Variants in COL4A2 observed in about 807,000 individuals in gnomAD.
The protein encoded by COL4A2 is collagen type IV alpha 2 chain.
A neutral mutation model predicts 200.2 loss-of-function variants in COL4A2; 99 were observed. The ratio of observed to expected loss-of-function variants is 0.49; its 90% CI spans 0.42 to 0.58. COL4A2 has a LOEUF of 0.58. Ranked by LOEUF, COL4A2 falls within the 20% of genes least tolerant of loss-of-function variation. COL4A2 has a pLI of 0.00. For missense variants in COL4A2, 1,950 were observed against 2,314.1 expected (o/e 0.84, Z 3.23); for synonymous variants, 897 against 900.6 (o/e 1.00, Z 0.07).
intron 3 of COL4A2, among the ~76,000 whole-genome samples, chr13:110,314,293 G>A (rs8001070): frequency 0.29 from 43,726 of 152,164 alleles, 6,405 homozygotes; most frequent in Middle Eastern, 0.41. Context: ...CCAGGAGTCA[G>A]CAGCCAGTCA....
rs973591882 is a variant in COL4A2 at position 110,446,057 on chromosome 13, G to A, written c.1011+175G>A. ...AGGTGGATGGTGACCTACGAGCCAC[G>A]TGTGCTCCCTGCCAGGGAGAAGGGT... On this transcript the variant is annotated intron_variant, in intron 17 of 47. Coordinates refer to ENST00000360467, the MANE Select transcript of COL4A2 (RefSeq NM_001846.4). 3.3e-5 allele frequency among the ~76,000 whole-genome samples: 5 copies of A among 152,206 alleles called. No individual in the cohort carries two copies. The East Asian group carries it at 5.8e-4, about 18-fold the overall frequency.
At position 110,508,383 on chromosome 13, in the gene COL4A2, C is replaced by G; in HGVS notation, c.4881+162C>G. Reference sequence around the variant, plus strand: ...AGCGAGAGCTGGAACACAGCTTACACTTGGCTAACTGAGCCACATGCTGGG... The same window carrying G: ...AGCGAGAGCTGGAACACAGCTTACAGTTGGCTAACTGAGCCACATGCTGGG... On this transcript the variant is annotated intron_variant, in intron 47 of 47. Coordinates refer to ENST00000360467, the MANE Select transcript of COL4A2 (RefSeq NM_001846.4). The surrounding 1 kb of genome is among the most constrained non-coding windows in gnomAD (Gnocchi z 6.1). 1.7e-6 allele frequency: 2 copies of G among 1,151,746 alleles called. No homozygotes were observed. The highest frequency in any genetic ancestry group is 1.5e-5 in the South Asian group (1 of 65,648). The allele number at this position is 1,151,746 out of a possible 1,614,324, so 71.3% of individuals were successfully genotyped here.
At position 110,513,175 on chromosome 13, in the gene COL4A2, G is replaced by A. The variant is rs1566577909; in HGVS notation, c.*984G>A. 1 of 152,062 alleles carries A rather than the reference G, an allele frequency of 6.6e-6. No homozygotes were observed. Among genetic ancestry groups the A allele is most frequent in the East Asian group, 1.9e-4 (1 of 5,190 alleles). The allele number at this position is 152,062 out of a possible 1,614,324, so 9.4% of individuals were successfully genotyped here. ...TCGTGGTATTACAGCCATTTCTCGGGGAATGTGTTTGTTTATAACTCACTA... is the reference window on the plus strand; with the variant it reads ...TCGTGGTATTACAGCCATTTCTCGGAGAATGTGTTTGTTTATAACTCACTA... On this transcript the variant is annotated 3_prime_UTR_variant, in exon 48 of 48. Transcript: ENST00000360467.
At chr13:110,474,327 GCCT>G (rs1295469104) in intron 29 of COL4A2, among the ~76,000 whole-genome samples, 3 of 152,172 alleles carry the variant, frequency 2.0e-5, no homozygotes, top group Non-Finnish European at 2.9e-5. Context: ...TGGAGGCTAG[GCCT>G]CCACTGGCAG....
chr13:110,426,751 C>T (rs116408863), intron 6 of COL4A2, among the ~76,000 whole-genome samples: 67 of 152,284 alleles, frequency 4.4e-4, no homozygotes, highest in African/African-American at 1.6e-3. Flanking sequence ...GAAAGACCAA[C>T]GGCAGACAAA....
At chr13:110,363,554 C>T (rs1193455827) in intron 4 of COL4A2, among the ~76,000 whole-genome samples, 2 of 152,114 alleles carry the variant, frequency 1.3e-5, no homozygotes, top group Non-Finnish European at 2.9e-5. Context: ...AATTCTTTGT[C>T]TTTGGCTCCT....
intron 4 of COL4A2, among the ~76,000 whole-genome samples, chr13:110,386,822 G>T (rs1288119411): frequency 2.0e-5 from 3 of 152,182 alleles, no homozygotes; most frequent in East Asian, 3.9e-4. Flanking sequence ...TCTACTGATT[G>T]TGAAAGGACG....
chr13:110,422,321 A>T (rs1594205146), intron 4 of COL4A2, among the ~76,000 whole-genome samples: 1 of 152,214 alleles, frequency 6.6e-6, no homozygotes, highest in Non-Finnish European at 1.5e-5. Flanking sequence ...CTTAACAACA[A>T]ATGTCGTGTA....
chr13:110,343,475 G>A (rs1021127828), intron 3 of COL4A2, among the ~76,000 whole-genome samples: 4 of 152,228 alleles, frequency 2.6e-5, no homozygotes, highest in Admixed American at 6.5e-5. Context: ...GCTGCCAGGC[G>A]TGATTCACTT....
chr13:110,483,846 G>A (rs1190769977), intron 32 of COL4A2, among the ~76,000 whole-genome samples: 7 of 152,202 alleles, frequency 4.6e-5, no homozygotes, highest in Non-Finnish European at 8.8e-5. Context: ...GGTGCTGCTT[G>A]CTCACAGCTC....
chr13:110,324,363 T>C (rs1662734065), intron 3 of COL4A2, among the ~76,000 whole-genome samples: 1 of 152,174 alleles, frequency 6.6e-6, no homozygotes, highest in Non-Finnish European at 1.5e-5. Context: ...CTGGACTCGC[T>C]CCTTCTTGAC....
At chr13:110,459,141 G>C (rs1037311947) in intron 22 of COL4A2, 2 of 482,394 alleles carry the variant, frequency 4.1e-6, no homozygotes, top group Non-Finnish European at 7.1e-6. Context: ...GGGCGCTGCT[G>C]TGGGAACCGC....
At chr13:110,329,739 T>A (rs964625117) in intron 3 of COL4A2, among the ~76,000 whole-genome samples, 3 of 152,176 alleles carry the variant, frequency 2.0e-5, no homozygotes, top group Admixed American at 6.5e-5. Context: ...TCCACACGGC[T>A]CTGTTTGAAG....
chr13:110,365,392 C>T (rs549636437), intron 4 of COL4A2, among the ~76,000 whole-genome samples: 22 of 152,304 alleles, frequency 1.4e-4, no homozygotes, highest in South Asian at 4.1e-4. Flanking sequence ...TCACCTGCCT[C>T]GGCCTCCCAA....
At chr13:110,389,242 G>A (rs551824181) in intron 4 of COL4A2, among the ~76,000 whole-genome samples, 11 of 152,272 alleles carry the variant, frequency 7.2e-5, no homozygotes, top group Admixed American at 2.0e-4. Flanking sequence ...AGATCACATC[G>A]CTTCCCTTTC....
Position 110,473,153 on chromosome 13 carries a change from G to T in COL4A2, c.2425+3G>T. The T allele has an allele frequency of 1.3e-6, 2 of 1,552,598 alleles. No individual in the cohort carries two copies. Among genetic ancestry groups the T allele is most frequent in the Non-Finnish European group, 1.7e-6 (2 of 1,148,280 alleles). On this transcript the variant is annotated splice_donor_region_variant and intron_variant, in intron 29 of 47. Transcript: ENST00000360467. Reference sequence around the variant, plus strand: ...CAGAGGCCCCCCTGGATTCAGAGGTGAGTGCCCCATCGGGGAGCCGGGGGC... The same window carrying T: ...CAGAGGCCCCCCTGGATTCAGAGGTTAGTGCCCCATCGGGGAGCCGGGGGC...
intron 4 of COL4A2, among the ~76,000 whole-genome samples, chr13:110,360,104 A>G (rs1877450939): frequency 6.6e-6 from 1 of 152,194 alleles, no homozygotes; most frequent in Admixed American, 6.5e-5. Flanking sequence ...GGCAGTGATG[A>G]GAATGCCTGA....
rs181283055 is a variant in COL4A2, at chr13:110,482,530, C to T, written c.2773C>T (p.Pro925Ser). The T allele has an allele frequency of 3.1e-6, 5 of 1,614,122 alleles. No homozygotes were observed. Among genetic ancestry groups the T allele is most frequent in the East Asian group, 4.5e-5 (2 of 44,878 alleles). ...TPGLKGDRGS[P>S]GMDGFQGMPG... is the part of the protein sequence containing the mutation. ...TTCCTCTGAAGGAGATAGAGGCTCA[C>T]CTGGGATGGATGGTTTCCAAGGCAT... Residue 925 changes from proline (P) to serine (S), a missense_variant, in exon 32 of 48, where the codon CCT becomes TCT. Transcript: ENST00000360467.
intron 34 of COL4A2, among the ~76,000 whole-genome samples, chr13:110,487,887 G>GT (rs1165633928): frequency 1.5e-4 from 23 of 152,178 alleles, no homozygotes; most frequent in African/African-American, 4.3e-4. Context: ...TGAGCTGTGC[G>GT]TTTAAGATGA....
Sources: gnomAD v4.1 joint callset for allele counts (sites outside exome capture counted in the v4.1 genomes callset) on GRCh38, gnomAD v4.1.1 for gene constraint, Gnocchi (gnomAD v3.1) non-coding constraint, MANE v1.5 for transcripts, NCBI Gene and HGNC (gene_info 2026-07-23, HGNC 2026-07-21) for gene names.